The following LRBA variants were observed in gnomAD, a reference collection of about 807,000 sequenced individuals.
LRBA encodes the protein LPS responsive beige-like anchor protein.
In LRBA, 176 loss-of-function variants were observed where a neutral mutation model predicts 330.0. The ratio of observed to expected loss-of-function variants is 0.53; its 90% CI spans 0.47 to 0.60. The LOEUF is 0.60. Ranked by LOEUF, LRBA falls within the 20% of genes least tolerant of loss-of-function variation. The probability of loss-of-function intolerance (pLI) is 0.00; values close to 1 mark genes in which losing one functional copy is unlikely to be tolerated. For missense variants in LRBA, 3,259 were observed against 3,444.8 expected (o/e 0.95, Z 1.35); for synonymous variants, 1,230 against 1,193.0 (o/e 1.03, Z -0.64).
chr4:150,696,076 A>G (rs1393535821), intron 36 of LRBA, among the ~76,000 whole-genome samples: 1 of 152,102 alleles, frequency 6.6e-6, no homozygotes, highest in East Asian at 1.9e-4. Context: ...CAAAAAATAG[A>G]AAAATCAGCT....
intron 53 of LRBA, among the ~76,000 whole-genome samples, chr4:150,294,364 G>C (rs1458662776): frequency 1.3e-5 from 2 of 152,184 alleles, no homozygotes; most frequent in Non-Finnish European, 2.9e-5. Flanking sequence ...TAAATGTATA[G>C]TTTAGATAAC....
intron 2 of LRBA, among the ~76,000 whole-genome samples, chr4:150,971,950 C>G (rs576403992): frequency 6.6e-6 from 1 of 152,170 alleles, no homozygotes; most frequent in South Asian, 2.1e-4. Flanking sequence ...AGAAAAAATG[C>G]ATAAATGTAT....
rs1012358861 is a variant in LRBA at position 151,011,853 on chromosome 4, AT to A, written c.216+2573del. 6.8e-3 allele frequency among the ~76,000 whole-genome samples: 991 copies of A among 146,410 alleles called. 13 individuals are homozygous for A. The highest frequency in any genetic ancestry group is 0.023 in the African/African-American group (923 of 40,158). ...CCATGCCCAGCTAATTTTTTATTTA[AT>A]TTTTTTTTTTGTAGAGACAGGGTCT... On this transcript the variant is annotated intron_variant, in intron 2 of 56. Coordinates refer to ENST00000651943, the MANE Select transcript of LRBA (RefSeq NM_001364905.1).
chr4:150,687,971 C>G (rs1387799679), intron 36 of LRBA, among the ~76,000 whole-genome samples: 1 of 152,194 alleles, frequency 6.6e-6, no homozygotes, highest in South Asian at 2.1e-4. Context: ...TCATATGGAA[C>G]CAAAAAAGAG....
At chr4:150,694,041 T>G (rs1784393068) in intron 36 of LRBA, among the ~76,000 whole-genome samples, 1 of 152,142 alleles carries the variant, frequency 6.6e-6, no homozygotes, top group Non-Finnish European at 1.5e-5. Flanking sequence ...AAACATATAC[T>G]TGCTTTTAAA....
chr4:150,380,260 C>A (rs1742012668), intron 47 of LRBA, among the ~76,000 whole-genome samples: 1 of 152,010 alleles, frequency 6.6e-6, no homozygotes, highest in Non-Finnish European at 1.5e-5. Context: ...AGGGTCAACA[C>A]CAGCATTAGA....
chr4:150,702,224 G>T (rs1356189889), intron 36 of LRBA, among the ~76,000 whole-genome samples: 1 of 152,132 alleles, frequency 6.6e-6, no homozygotes, highest in African/African-American at 2.4e-5. Flanking sequence ...ACAAAATGGG[G>T]AGTTCAATTC....
chr4:150,920,975 C>A (rs1733190141), intron 5 of LRBA, among the ~76,000 whole-genome samples: 2 of 152,116 alleles, frequency 1.3e-5, no homozygotes, highest in African/African-American at 2.4e-5. Flanking sequence ...CATTGCTGAC[C>A]CAAGCTGTGA....
At chr4:150,369,271 G>A (rs1739918322) in intron 47 of LRBA, among the ~76,000 whole-genome samples, 1 of 151,934 alleles carries the variant, frequency 6.6e-6, no homozygotes, top group African/African-American at 2.4e-5. Flanking sequence ...ATCATGTTTT[G>A]CAAAATGTTA....
intron 46 of LRBA, among the ~76,000 whole-genome samples, chr4:150,431,399 T>C (rs537252515): frequency 1.2e-4 from 18 of 152,306 alleles, no homozygotes; most frequent in Admixed American, 3.9e-4. Flanking sequence ...AAACTATCCC[T>C]TGATGTGATT....
chr4:150,663,955 C>T (rs750736606), intron 37 of LRBA, among the ~76,000 whole-genome samples: 5 of 151,860 alleles, frequency 3.3e-5, no homozygotes, highest in Non-Finnish European at 7.4e-5. Flanking sequence ...GGGAACAGAA[C>T]TGAAAACACA....
intron 40 of LRBA, among the ~76,000 whole-genome samples, chr4:150,494,834 A>T (rs965715284): frequency 1.3e-5 from 2 of 152,182 alleles, no homozygotes; most frequent in African/African-American, 4.8e-5. Context: ...TCTCAATAAA[A>T]AAATAAATAA....
chr4:150,846,622 A>G (rs999662323), intron 26 of LRBA, among the ~76,000 whole-genome samples: 2 of 152,070 alleles, frequency 1.3e-5, no homozygotes, highest in Admixed American at 1.3e-4. Context: ...TAATGGTACA[A>G]TGTGTGTTAT....
chr4:150,591,871 C>G (rs1287490243), intron 38 of LRBA, among the ~76,000 whole-genome samples: 1 of 152,156 alleles, frequency 6.6e-6, no homozygotes, highest in Non-Finnish European at 1.5e-5. Context: ...ATTCAAAACT[C>G]TGATTCAAAA....
intron 2 of LRBA, among the ~76,000 whole-genome samples, chr4:150,947,568 A>G (rs1394201801): frequency 6.6e-6 from 1 of 152,092 alleles, no homozygotes; most frequent in Non-Finnish European, 1.5e-5. Flanking sequence ...ACCTACGACT[A>G]ACATTATACT....
intron 40 of LRBA, among the ~76,000 whole-genome samples, chr4:150,514,072 T>TG (rs1762093596): frequency 1.3e-5 from 2 of 152,082 alleles, no homozygotes; most frequent in African/African-American, 4.8e-5. Context: ...TTGTTGTTGT[T>TG]TTGTTTTGTT....
intron 9 of LRBA, among the ~76,000 whole-genome samples, chr4:150,913,239 G>A (rs762246317): frequency 7.2e-5 from 11 of 152,128 alleles, no homozygotes; most frequent in Admixed American, 1.3e-4. Flanking sequence ...AAGCCGAGGC[G>A]GGCGGATCAC....
chr4:150,683,004 G>C (rs909732232), intron 37 of LRBA, among the ~76,000 whole-genome samples: 5 of 151,778 alleles, frequency 3.3e-5, no homozygotes, highest in East Asian at 1.9e-4. Flanking sequence ...CTTAAAAGAA[G>C]GTAGATATAT....
In LRBA at chr4:150,326,150, A is replaced by C. The variant is rs529592004; in HGVS notation, c.7363-252T>G. On this transcript the variant is annotated intron_variant, in intron 48 of 56. Coordinates refer to ENST00000651943, the MANE Select transcript of LRBA (RefSeq NM_001364905.1). ...TGCTCAGTGATATGAAACAGAAACC[A>C]GCTATTACAATCAGAAATTGTCCTT... is the stretch of plus-strand genomic sequence containing the variant. Among the ~76,000 whole-genome samples, 250 of 152,318 alleles carry C rather than the reference A, an allele frequency of 1.6e-3. 1 individual carries two copies. The highest frequency in any genetic ancestry group is 5.7e-3 in the African/African-American group (238 of 41,574).
Sources: gnomAD v4.1 joint callset for allele counts (sites outside exome capture counted in the v4.1 genomes callset) on GRCh38, gnomAD v4.1.1 for gene constraint, MANE v1.5 for transcripts, NCBI Gene and HGNC (gene_info 2026-07-23, HGNC 2026-07-21) for gene names.